DNAI3: variants seen among roughly 807,000 people sequenced by gnomAD.
DNAI3 encodes WD repeat domain 63.
Under a neutral mutation model 115.5 loss-of-function variants are expected in DNAI3, and 83 were observed. That is an observed-to-expected ratio of 0.72 (90% CI 0.60 to 0.86). The LOEUF (loss-of-function observed/expected upper bound fraction) is 0.86. DNAI3 is among the 40% of genes least tolerant of loss of function. The pLI, the probability that DNAI3 is intolerant of heterozygous loss-of-function variation, is 0.00. For synonymous variants in DNAI3, 320 were observed against 347.0 expected (o/e 0.92, Z 0.86); for missense variants, 1,004 against 1,075.8 (o/e 0.93, Z 0.93).
chr1:85,103,272 C>T (rs1230005298), intron 13 of DNAI3, among the ~76,000 whole-genome samples: 2 of 152,168 alleles, frequency 1.3e-5, no homozygotes, highest in East Asian at 3.9e-4. Flanking sequence ...AGCCTGCTGC[C>T]TGCTTTGAGA....
chr1:85,097,471 G>T, intron 11 of DNAI3, 98 bp from the exon 12 acceptor site: 1 of 1,082,976 alleles, frequency 9.2e-7, no homozygotes, highest in South Asian at 1.9e-5. Flanking sequence ...CCCCTAAGGT[G>T]ATTGACTTAT....
chr1:85,108,085 A>G lies in DNAI3; in HGVS notation c.1606A>G (p.Thr536Ala). ...ACAGAAACCTTTAACCCCCCAAACA[A>G]CAGAGAAAAAGAAGGAGGAAAGTAT... ...RPQKPLTPQT[T>A]EKKKEESIEI... Residue 536 changes from threonine to alanine, a missense_variant, in exon 15 of 23, where the codon ACA (threonine) becomes GCA (alanine). Transcript: ENST00000294664. 1 of 1,610,236 alleles carries G rather than the reference A, an allele frequency of 6.2e-7. No individual in the cohort carries two copies. Among genetic ancestry groups the G allele is most frequent in the South Asian group, 1.1e-5 (1 of 90,232 alleles).
intron 10 of DNAI3, among the ~76,000 whole-genome samples, chr1:85,095,410 A>G (rs555615755): frequency 1.2e-4 from 19 of 152,198 alleles, no homozygotes; most frequent in Non-Finnish European, 2.1e-4. Context: ...ATGATTATAG[A>G]CCCAGAGATC....
At chr1:85,079,242 G>A (rs1472485135) in intron 3 of DNAI3, among the ~76,000 whole-genome samples, 1 of 151,722 alleles carries the variant, frequency 6.6e-6, no homozygotes, top group Non-Finnish European at 1.5e-5. Context: ...TAAGTGCCAG[G>A]TGTTATGGTT....
chr1:85,114,164 C>T (rs914831597), intron 16 of DNAI3, among the ~76,000 whole-genome samples: 2 of 151,938 alleles, frequency 1.3e-5, no homozygotes, highest in Non-Finnish European at 2.9e-5. Flanking sequence ...AGGCATGTAC[C>T]ACCACACCAG....
chr1:85,063,756 T>A (rs964683106), intron 1 of DNAI3, among the ~76,000 whole-genome samples: 2 of 152,190 alleles, frequency 1.3e-5, no homozygotes, highest in Non-Finnish European at 2.9e-5. Context: ...GGTTGGCCTC[T>A]TGAGTAGTTG....
At chr1:85,069,796 G>C (rs1429880550) in intron 1 of DNAI3, among the ~76,000 whole-genome samples, 1 of 152,106 alleles carries the variant, frequency 6.6e-6, no homozygotes, top group Non-Finnish European at 1.5e-5. Context: ...GGGGTACATT[G>C]ATAAGGAATC....
In DNAI3 at chr1:85,102,458, A is replaced by C. The variant is rs919885129; in HGVS notation, c.1480-2066A>C. On this transcript the variant is annotated intron_variant, in intron 13 of 22. Transcript: ENST00000294664. ...AATAAGCAAAAGACATATAAAATAA[A>C]ACAGTAAATCAACATGAAAATCATT... 2.0e-5 allele frequency among the ~76,000 whole-genome samples: 3 copies of C among 152,318 alleles called. No individual in the cohort carries two copies. In the South Asian group the frequency reaches 6.2e-4, roughly 32 times the overall value.
intron 3 of DNAI3, 105 bp downstream of exon 3, chr1:85,073,197 T>C (rs1654340604): frequency 2.7e-6 from 2 of 746,502 alleles, no homozygotes; most frequent in Non-Finnish European, 2.0e-6. Context: ...AATCAAAATG[T>C]ACATGGGCTA....
chr1:85,083,410 C>T (rs7523865), intron 5 of DNAI3, among the ~76,000 whole-genome samples: 90,488 of 151,756 alleles, frequency 0.6, 26,973 homozygotes, highest in Non-Finnish European at 0.6. Flanking sequence ...TCACTTGGGC[C>T]GGAAAGGTGG....
Position 85,097,549 on chromosome 1 carries a change from A to C in DNAI3, c.1264-20A>C, listed in dbSNP as rs1202480081. 15 of 1,589,362 alleles carry C rather than the reference A, an allele frequency of 9.4e-6. No homozygotes were observed. Among genetic ancestry groups the C allele is most frequent in the Non-Finnish European group, 1.2e-5 (14 of 1,170,724 alleles). Reference sequence around the variant, plus strand: ...AGATATTTTCTGAAAAGGTTATGATAACATTTATTTCCATTTTAGATTGTC... The same window carrying C: ...AGATATTTTCTGAAAAGGTTATGATCACATTTATTTCCATTTTAGATTGTC... On this transcript the variant is annotated intron_variant, in intron 11 of 22. Coordinates refer to ENST00000294664, the MANE Select transcript of DNAI3 (RefSeq NM_145172.5).
intron 21 of DNAI3, 135 bp from the exon 22 acceptor site, chr1:85,129,855 T>C: frequency 2.1e-6 from 2 of 934,420 alleles, no homozygotes; most frequent in Non-Finnish European, 3.1e-6. Context: ...CATTAGATAA[T>C]GATCAAGTAG....
At chr1:85,097,731 C>G (rs1655166233) in intron 12 of DNAI3, 76 bp downstream of exon 12, 2 of 1,238,548 alleles carry the variant, frequency 1.6e-6, no homozygotes, top group Non-Finnish European at 2.2e-6. Flanking sequence ...ATATAGTTGC[C>G]AAGGCTAATA....
intron 2 of DNAI3, among the ~76,000 whole-genome samples, chr1:85,072,722 A>G (rs927491703): frequency 4.0e-5 from 6 of 151,142 alleles, no homozygotes; most frequent in South Asian, 4.2e-4. Flanking sequence ...TTGGGAGGCC[A>G]AGGTGGACGG....
intron 17 of DNAI3, among the ~76,000 whole-genome samples, chr1:85,121,233 A>G (rs985988068): frequency 6.6e-5 from 10 of 152,224 alleles, no homozygotes; most frequent in Admixed American, 2.6e-4. Context: ...TAAAACGGCC[A>G]TAAGACAGAA....
intron 8 of DNAI3, among the ~76,000 whole-genome samples, chr1:85,092,137 G>T (rs971131113): frequency 6.6e-6 from 1 of 152,176 alleles, no homozygotes; most frequent in African/African-American, 2.4e-5. Context: ...AGTAAGTCGG[G>T]TGGAGCCTGC....
intron 13 of DNAI3, among the ~76,000 whole-genome samples, chr1:85,101,294 C>A (rs540856244): frequency 7.2e-5 from 11 of 151,986 alleles, no homozygotes; most frequent in African/African-American, 2.2e-4. Flanking sequence ...ATAAATAGCC[C>A]ACGTATAGTT....
chr1:85,098,521 A>G lies in DNAI3; in HGVS notation c.1351-9A>G, dbSNP rs189141295. ...AATTAGCACTTAACTTTCTTTTAAT[A>G]TTTTTCAGCCTATGTTTCTCCTTGA... On this transcript the variant is annotated splice_polypyrimidine_tract_variant and intron_variant, in intron 12 of 22. Coordinates refer to ENST00000294664, the MANE Select transcript of DNAI3 (RefSeq NM_145172.5). The G allele has an allele frequency of 1.6e-5, 25 of 1,607,132 alleles. No homozygotes were observed. The African/African-American group carries it at 1.9e-4, about 12-fold the overall frequency.
chr1:85,125,088 C>A lies in DNAI3; in HGVS notation c.2112+837C>A, dbSNP rs554362926. 1.7e-4 allele frequency among the ~76,000 whole-genome samples: 26 copies of A among 152,058 alleles called. No individual in the cohort carries two copies. The South Asian group carries it at 5.4e-3, about 32-fold the overall frequency. ...GGGGCTGGATCTAGGCAGATAGGAGCTAAACTGCCAAAAACTAGAATGATT... is the reference window on the plus strand; with the variant it reads ...GGGGCTGGATCTAGGCAGATAGGAGATAAACTGCCAAAAACTAGAATGATT... On this transcript the variant is annotated intron_variant, in intron 19 of 22. Coordinates refer to ENST00000294664, the MANE Select transcript of DNAI3 (RefSeq NM_145172.5).
Sources: allele counts gnomAD v4.1 joint callset (sites outside exome capture counted in the v4.1 genomes callset), GRCh38; gene constraint gnomAD v4.1.1; transcripts MANE v1.5; gene names NCBI Gene and HGNC (gene_info 2026-07-23, HGNC 2026-07-21).